VWA2: variants seen among roughly 807,000 people sequenced by gnomAD.
VWA2 encodes the protein von Willebrand factor A domain containing 2.
A neutral mutation model predicts 70.4 loss-of-function variants in VWA2; 73 were observed. The ratio of observed to expected loss-of-function variants is 1.04; its 90% CI spans 0.86 to 1.26. VWA2 has a LOEUF of 1.26. Among genes scored for constraint, VWA2 ranks in the 50% most tolerant of loss-of-function variants. The pLI, the probability that VWA2 is intolerant of heterozygous loss-of-function variation, is 0.00. For missense variants in VWA2, 1,011 were observed against 998.5 expected (o/e 1.01, Z -0.17); for synonymous variants, 407 against 423.3 (o/e 0.96, Z 0.47).
intron 6 of VWA2, among the ~76,000 whole-genome samples, chr10:114,274,445 A>G (rs1318699792): frequency 6.6e-6 from 1 of 152,044 alleles, no homozygotes; most frequent in Non-Finnish European, 1.5e-5. Flanking sequence ...CCTAGAGGGA[A>G]GCAGCTGCAG....
intron 8 of VWA2, among the ~76,000 whole-genome samples, chr10:114,279,600 C>T (rs866072070): frequency 1.3e-5 from 2 of 152,214 alleles, no homozygotes; most frequent in Admixed American, 6.5e-5. Flanking sequence ...GAAAGGCCAG[C>T]CCCCTACATA....
chr10:114,276,144 G>C (rs925134451), intron 6 of VWA2, among the ~76,000 whole-genome samples: 1 of 152,192 alleles, frequency 6.6e-6, no homozygotes, highest in Non-Finnish European at 1.5e-5. Flanking sequence ...CCATGGCCTA[G>C]AGAGATGAGA....
At position 114,292,301 on chromosome 10, in the gene VWA2, A is replaced by C. The variant is rs2039675916; in HGVS notation, c.*1064A>C. Among the ~76,000 whole-genome samples the C allele has an allele frequency of 6.6e-6, 1 of 151,868 alleles. No individual in the cohort carries two copies. The highest frequency in any genetic ancestry group is 2.1e-4 in the South Asian group (1 of 4,800). On this transcript the variant is annotated 3_prime_UTR_variant, in exon 14 of 14. Coordinates refer to ENST00000392982, the MANE Select transcript of VWA2 (RefSeq NM_001272046.2). ...TCAAAAAGAAAAAAATGTACTTAGG[A>C]GGGGTTAATTGTGGCGTGTTTATGG...
intron 4 of VWA2, among the ~76,000 whole-genome samples, chr10:114,257,146 C>G (rs896812656): frequency 6.6e-6 from 1 of 152,042 alleles, no homozygotes; most frequent in African/African-American, 2.4e-5. Flanking sequence ...CTTCCTGGAC[C>G]TTAGACCACC....
chr10:114,264,943 C>T (rs1300656912), intron 5 of VWA2, among the ~76,000 whole-genome samples: 2 of 152,034 alleles, frequency 1.3e-5, no homozygotes, highest in Non-Finnish European at 1.5e-5. Flanking sequence ...TGGTCTCGAA[C>T]TCCTGACCTC....
Position 114,277,485 on chromosome 10 carries a change from G to A in VWA2, c.567-429G>A, listed in dbSNP as rs548031055. On this transcript the variant is annotated intron_variant, in intron 6 of 13. Transcript: ENST00000392982. ...GCGTGAGCCACCACACCCCCCCTCC[G>A]ACTGTGTGTCTTCTTAAAATGAGGT... Among the ~76,000 whole-genome samples, 6 of 152,054 alleles carry A rather than the reference G, an allele frequency of 3.9e-5. No individual in the cohort carries two copies. In the East Asian group the frequency reaches 5.8e-4, roughly 15 times the overall value.
intron 6 of VWA2, 60 bp downstream of exon 6, chr10:114,272,994 G>T: frequency 6.8e-7 from 1 of 1,461,344 alleles, no homozygotes; most frequent in South Asian, 1.4e-5. Flanking sequence ...ATCGTGACAT[G>T]GCCATGGGAG....
intron 6 of VWA2, among the ~76,000 whole-genome samples, chr10:114,275,441 C>A (rs569361344): frequency 1.3e-5 from 2 of 152,224 alleles, no homozygotes; most frequent in Non-Finnish European, 2.9e-5. Context: ...AGACACAGTG[C>A]CTTGAGCATA....
intron 1 of VWA2, among the ~76,000 whole-genome samples, chr10:114,243,225 T>A (rs1305334382): frequency 6.6e-6 from 1 of 152,254 alleles, no homozygotes; most frequent in African/African-American, 2.4e-5. Flanking sequence ...TTCCCAGCTT[T>A]TCTCCCTAAC....
Position 114,291,522 on chromosome 10 carries a change from GC to G in VWA2, c.*287del, listed in dbSNP as rs376276037. On this transcript the variant is annotated 3_prime_UTR_variant, in exon 14 of 14. Coordinates refer to ENST00000392982, the MANE Select transcript of VWA2 (RefSeq NM_001272046.2). ...AATACCCACTTTCTGTACCTGCTGT[GC>G]CTTGTTGAGGCTATGTCATCTGCCA... 3.6e-4 allele frequency: 152 copies of G among 417,148 alleles called. No individual in the cohort carries two copies. Among genetic ancestry groups the G allele is most frequent in the African/African-American group, 3.0e-3 (144 of 48,148 alleles). The allele number at this position is 417,148 out of a possible 1,614,324, so 25.8% of individuals were successfully genotyped here.
At chr10:114,246,415 C>T (rs942039625) in intron 1 of VWA2, 7 of 595,928 alleles carry the variant, frequency 1.2e-5, no homozygotes, top group African/African-American at 1.9e-5. Context: ...ACAGGAGAAT[C>T]GCTTGAACCC....
chr10:114,274,206 C>G (rs2037771441), intron 6 of VWA2, among the ~76,000 whole-genome samples: 1 of 152,220 alleles, frequency 6.6e-6, no homozygotes. Flanking sequence ...AGCCAGGAGT[C>G]AGCCACAGAG....
In VWA2 at chr10:114,286,443, C is replaced by A. The variant is rs186682529; in HGVS notation, c.1502C>A (p.Ser501Ter). 1.9e-6 allele frequency: 3 copies of A among 1,612,318 alleles called. No homozygotes were observed. In the African/African-American group the frequency reaches 4.0e-5, roughly 22 times the overall value. Residue 501 changes from serine (S) to a stop codon, truncating the protein, a stop_gained, in exon 11 of 14, where the codon TCG becomes TAG. Transcript: ENST00000392982. LOFTEE classifies it high-confidence loss of function. ...TGSPKHVMVY[S>*]DPQDLFNQIP... ...AGCCCAAAGCATGTGATGGTCTACTCGGATCCTCAGGATCTGTTCAACCAA... is the reference window on the plus strand; with the variant it reads ...AGCCCAAAGCATGTGATGGTCTACTAGGATCCTCAGGATCTGTTCAACCAA...
intron 1 of VWA2, among the ~76,000 whole-genome samples, chr10:114,245,077 G>T (rs1011147218): frequency 5.9e-5 from 9 of 152,226 alleles, no homozygotes; most frequent in Admixed American, 3.3e-4. Context: ...GGGGGACAGG[G>T]GAGGGAGGTG....
chr10:114,253,937 G>A (rs994695842), intron 3 of VWA2, among the ~76,000 whole-genome samples: 5 of 151,886 alleles, frequency 3.3e-5, no homozygotes, highest in Admixed American at 3.3e-4. Flanking sequence ...AGCTACTCGG[G>A]AGGCTGAGGC....
At chr10:114,262,681 C>T (rs2037470574) in intron 5 of VWA2, among the ~76,000 whole-genome samples, 1 of 152,156 alleles carries the variant, frequency 6.6e-6, no homozygotes, top group South Asian at 2.1e-4. Context: ...ACTCTGGGAG[C>T]CCTGCAGGCC....
intron 8 of VWA2, 28 bp from the exon 9 acceptor site, chr10:114,282,488 T>A (rs566339094): frequency 6.4e-5 from 103 of 1,604,038 alleles, no homozygotes; most frequent in Non-Finnish European, 8.5e-5. Context: ...CTCTGATCTG[T>A]CTATAATTCT....
chr10:114,281,830 G>A (rs564543071), intron 8 of VWA2: 1 of 838,414 alleles, frequency 1.2e-6, no homozygotes, highest in African/African-American at 1.8e-5. Context: ...GGAAAGTGAA[G>A]ACCAGAGGAG....
At chr10:114,254,449 G>T (rs1303963055) in intron 3 of VWA2, among the ~76,000 whole-genome samples, 2 of 152,080 alleles carry the variant, frequency 1.3e-5, no homozygotes, top group African/African-American at 2.4e-5. Context: ...TAACGGGGTG[G>T]CTACTTGCCA....
Sources: allele counts gnomAD v4.1 joint callset (sites outside exome capture counted in the v4.1 genomes callset), GRCh38; gene constraint gnomAD v4.1.1; transcripts MANE v1.5; gene names NCBI Gene and HGNC (gene_info 2026-07-23, HGNC 2026-07-21).